KEL: variants seen among roughly 807,000 people sequenced by gnomAD.
KEL encodes the protein Kell metallo-endopeptidase (Kell blood group), also known as kell blood group glycoprotein.
In KEL, 96 loss-of-function variants were observed where a neutral mutation model predicts 99.5. The observed-to-expected ratio is 0.97, with a 90% CI of 0.82 to 1.14. KEL has a LOEUF of 1.14. Ranked by LOEUF, KEL falls within the 50% of genes most tolerant of loss-of-function variation. The pLI, the probability that KEL is intolerant of heterozygous loss-of-function variation, is 0.00. For synonymous variants in KEL, 355 were observed against 354.8 expected (o/e 1.00, Z -0.01); for missense variants, 926 against 924.2 (o/e 1.00, Z -0.03).
Position 142,941,372 on chromosome 7 carries a change from A to C in KEL, c.2079T>G (p.Thr693=). 1 of 1,610,458 alleles carries C rather than the reference A, an allele frequency of 6.2e-7. No homozygotes were observed. The highest frequency in any genetic ancestry group is 1.1e-5 in the South Asian group (1 of 90,940). Residue 693 remains threonine, a synonymous_variant, in exon 19 of 19, where the codon ACT becomes ACG. Coordinates refer to ENST00000355265, the MANE Select transcript of KEL (RefSeq NM_000420.3). ...GGACTCGGAGGTGTGGAGGGCTGTG[A>C]GTGTCGTGAGAGTCCTGGGGGCTGG... The part of the protein sequence containing the change: ...RKPSPQDSHD[T]HSPPHLRVHG...
chr7:142,948,911 C>T lies in KEL; in HGVS notation c.1204-2594G>A, dbSNP rs534341733. Among the ~76,000 whole-genome samples the T allele has an allele frequency of 8.5e-5, 13 of 152,068 alleles. No individual in the cohort carries two copies. In the East Asian group the frequency reaches 2.3e-3, roughly 27 times the overall value. ...CCCAAGCTTCACAGACACACACACA[C>T]ACACACACACACACACACACTAGAA... On this transcript the variant is annotated intron_variant, in intron 10 of 18. Coordinates refer to ENST00000355265, the MANE Select transcript of KEL (RefSeq NM_000420.3).
At chr7:142,947,037 C>G (rs1314333458) in intron 10 of KEL, among the ~76,000 whole-genome samples, 2 of 152,126 alleles carry the variant, frequency 1.3e-5, no homozygotes, top group Non-Finnish European at 1.5e-5. Flanking sequence ...AGCTGAGGAC[C>G]TCAAGAATGA....
chr7:142,962,164 C>G, intron 1 of KEL, 40 bp downstream of exon 1: 1 of 1,613,982 alleles, frequency 6.2e-7, no homozygotes, highest in Non-Finnish European at 8.5e-7. Flanking sequence ...GCCACCCTCA[C>G]CCCTCCCCGC....
chr7:142,946,273 C>T lies in KEL; in HGVS notation c.1248G>A (p.Thr416=), dbSNP rs772705891. The T allele has an allele frequency of 1.4e-5, 23 of 1,614,008 alleles. No homozygotes were observed. The highest frequency in any genetic ancestry group is 8.3e-5 in the Admixed American group (5 of 59,994). Residue 416 remains threonine (T), a synonymous_variant, in exon 11 of 19, where the codon ACG becomes ACA. Coordinates refer to ENST00000355265, the MANE Select transcript of KEL (RefSeq NM_000420.3). ...RWMKCVEETG[T]FFEPTLAALF... is the part of the protein sequence containing the mutation. Reference sequence around the variant, plus strand: ...AAGCCGCCAGCGTGGGCTCGAAGAACGTGCCTGTCTCCTCCACGCACTTCA... The same window carrying T: ...AAGCCGCCAGCGTGGGCTCGAAGAATGTGCCTGTCTCCTCCACGCACTTCA...
At chr7:142,948,381 C>T (rs946361740) in intron 10 of KEL, among the ~76,000 whole-genome samples, 3 of 151,790 alleles carry the variant, frequency 2.0e-5, no homozygotes, top group East Asian at 1.9e-4. Flanking sequence ...AATTTTAGGG[C>T]ACCAGAAAAA....
intron 13 of KEL, among the ~76,000 whole-genome samples, 161 bp from the exon 14 acceptor site, chr7:142,944,044 C>T (rs1218192401): frequency 2.0e-5 from 3 of 152,144 alleles, no homozygotes; most frequent in African/African-American, 7.2e-5. Context: ...CACAGCACAC[C>T]CAGGCTTTAC....
intron 10 of KEL, among the ~76,000 whole-genome samples, chr7:142,947,573 C>CA (rs1313106269): frequency 1.3e-5 from 2 of 152,174 alleles, no homozygotes; most frequent in Admixed American, 6.5e-5. Flanking sequence ...TATTTTGTAA[C>CA]AGAGTCTCAC....
At chr7:142,948,911 C>G (rs534341733) in intron 10 of KEL, among the ~76,000 whole-genome samples, 5 of 151,950 alleles carry the variant, frequency 3.3e-5, no homozygotes, top group African/African-American at 1.2e-4. Flanking sequence ...CACACACACA[C>G]ACACACACAC....
Position 142,962,285 on chromosome 7 carries a change from A to AG in KEL, c.-80_-79insC. Reference sequence around the variant, plus strand: ...TTCGGAGGACTGGGGTCCAGGAAACACCCCCCGCCCCAGTTCCTTGATCCT... The same window carrying AG: ...TTCGGAGGACTGGGGTCCAGGAAACAGCCCCCCGCCCCAGTTCCTTGATCCT... On this transcript the variant is annotated 5_prime_UTR_variant, in exon 1 of 19. Transcript: ENST00000355265. The AG allele has an allele frequency of 6.6e-7, 1 of 1,517,438 alleles. No homozygotes were observed. Among genetic ancestry groups the AG allele is most frequent in the Admixed American group, 1.7e-5 (1 of 59,712 alleles). The allele number at this position is 1,517,438 out of a possible 1,614,324, so 94.0% of individuals were successfully genotyped here. A position where few individuals can be genotyped will look rare whatever the true frequency, so the allele number is the denominator to read the frequency against.
rs1586250709 is a variant in KEL, at chr7:142,944,861, C to G, written c.1315-120G>C. The stretch of plus-strand genomic sequence containing the variant: ...CCCCAAGGAGCTGCCTGGGCTGGAG[C>G]TGCTGCTAGAGGAGCAGCTCAACTA... On this transcript the variant is annotated intron_variant, in intron 11 of 18. Coordinates refer to ENST00000355265, the MANE Select transcript of KEL (RefSeq NM_000420.3). 14 of 776,374 alleles carry G rather than the reference C, an allele frequency of 1.8e-5. No homozygotes were observed. The East Asian group carries it at 3.2e-4, about 18-fold the overall frequency. 48.1% of individuals were successfully genotyped at this position (776,374 alleles called of 1,614,324 possible).
At chr7:142,946,673 C>T in intron 10 of KEL, 1 of 353,296 alleles carries the variant, frequency 2.8e-6, no homozygotes, top group Middle Eastern at 8.6e-4. Flanking sequence ...GTTCCCCCAC[C>T]ACCACTCTAC....
chr7:142,954,019 C>T, intron 8 of KEL, 63 bp from the exon 9 acceptor site: 1 of 1,598,530 alleles, frequency 6.3e-7, no homozygotes, highest in Middle Eastern at 1.8e-4. Flanking sequence ...AAAGGGCTTC[C>T]CCTTGGGTGT....
At chr7:142,958,199 C>A in intron 5 of KEL, 105 bp downstream of exon 5, 6 of 1,534,190 alleles carry the variant, frequency 3.9e-6, no homozygotes, top group Non-Finnish European at 5.4e-6. Context: ...ATTGGGGGGC[C>A]CTAGGAAGAA....
Position 142,943,866 on chromosome 7 carries a change from G to C in KEL, c.1509C>G (p.Ser503Arg). The change falls in exon 14 of 19, where the codon AGC becomes AGG. Residue 503 changes from serine to arginine, a missense_variant. Physicochemically the swap from Ser to Arg is moderately radical, Grantham distance 110. Coordinates refer to ENST00000355265, the MANE Select transcript of KEL (RefSeq NM_000420.3). ...CACAGCTCAGGACAGACTGCAGGAA[G>C]CTCGATCCAAGCTGTATCTGGGGAA... Reference protein sequence around the residue: ...QEYNDIQLGSSFLQSVLSCVR... With the variant: ...QEYNDIQLGSRFLQSVLSCVR... The C allele has an allele frequency of 6.2e-7, 1 of 1,614,112 alleles. No homozygotes were observed. The highest frequency in any genetic ancestry group is 2.2e-5 in the East Asian group (1 of 44,874).
At position 142,962,203 on chromosome 7, in the gene KEL, C is replaced by G; in HGVS notation, c.3+1G>C. Reference sequence around the variant, plus strand: ...GCCTCTGACTCCAAAAGGGGACTTACCATCTGTCTATCTTCTGTGGCTCCA... The same window carrying G: ...GCCTCTGACTCCAAAAGGGGACTTAGCATCTGTCTATCTTCTGTGGCTCCA... On this transcript the variant is annotated splice_donor_variant, in intron 1 of 18. Coordinates refer to ENST00000355265, the MANE Select transcript of KEL (RefSeq NM_000420.3). LOFTEE classifies it high-confidence loss of function. 1 of 1,614,172 alleles carries G rather than the reference C, an allele frequency of 6.2e-7. No homozygotes were observed. Among genetic ancestry groups the G allele is most frequent in the Non-Finnish European group, 8.5e-7 (1 of 1,180,008 alleles).
At chr7:142,952,800 A>G (rs946373313) in intron 9 of KEL, among the ~76,000 whole-genome samples, 162 bp from the exon 10 acceptor site, 8 of 152,218 alleles carry the variant, frequency 5.3e-5, no homozygotes, top group Admixed American at 1.3e-4. Context: ...AGAGCTTTTC[A>G]TGATGTAGGT....
intron 3 of KEL, 95 bp from the exon 4 acceptor site, chr7:142,961,199 G>A (rs1280270253): frequency 1.3e-6 from 2 of 1,517,440 alleles, no homozygotes; most frequent in Non-Finnish European, 1.8e-6. Context: ...GTAACTAAGT[G>A]GGGAGCTGAT....
At position 142,954,227 on chromosome 7, in the gene KEL, G is replaced by A. The variant is rs374787122; in HGVS notation, c.881C>T (p.Ala294Val). 1.2e-6 allele frequency: 2 copies of A among 1,613,004 alleles called. No individual in the cohort carries two copies. The highest frequency in any genetic ancestry group is 1.7e-6 in the Non-Finnish European group (2 of 1,180,002). ...GACCATCTGGAAGAGCTTGCCCTGTGCCCGCCGCTGCTCCAGGGGCCTCAG... is the reference window on the plus strand; with the variant it reads ...GACCATCTGGAAGAGCTTGCCCTGTACCCGCCGCTGCTCCAGGGGCCTCAG... Reference protein sequence around the residue: ...QFLRPLEQRRAQGKLFQMVTI... With the variant: ...QFLRPLEQRRVQGKLFQMVTI... Residue 294 changes from alanine to valine, a missense_variant, in exon 8 of 19, where the codon GCA (alanine) becomes GTA (valine). Ala to Val is a moderately conservative substitution (Grantham distance 64). Transcript: ENST00000355265.
intron 5 of KEL, 75 bp downstream of exon 5, chr7:142,958,229 A>T (rs1796874990): frequency 6.2e-7 from 1 of 1,611,102 alleles, no homozygotes; most frequent in Non-Finnish European, 8.5e-7. Context: ...TCTAGAAAAA[A>T]AAATGGCAGC....
Sources: allele counts gnomAD v4.1 joint callset (sites outside exome capture counted in the v4.1 genomes callset), GRCh38; gene constraint gnomAD v4.1.1; transcripts MANE v1.5; gene names NCBI Gene and HGNC (gene_info 2026-07-23, HGNC 2026-07-21).